Variants in TENM4 observed in about 807,000 individuals in gnomAD.
The protein encoded by TENM4 is teneurin transmembrane protein 4, also known as teneurin-4.
Under a neutral mutation model 243.3 loss-of-function variants are expected in TENM4, and 82 were observed. The observed-to-expected ratio is 0.34, with a 90% confidence interval of 0.28 to 0.40. The LOEUF (loss-of-function observed/expected upper bound fraction) is 0.40, where lower values mean the gene tolerates loss of function less well. TENM4 is among the 10% of genes least tolerant of loss of function. TENM4 has a pLI of 1.00. For synonymous variants in TENM4, 1,412 were observed against 1,456.3 expected, an observed-to-expected ratio of 0.97 and a Z score of 0.69; for missense variants, 3,138 against 3,673.3, an observed-to-expected ratio of 0.85 and a Z score of 3.77.
chr11:79,421,510 T>G (rs1858930327), intron 1 of TENM4, among the ~76,000 whole-genome samples: 1 of 152,202 alleles, frequency 6.6e-6, no homozygotes, highest in South Asian at 2.1e-4. Context: ...ACTTTTGAAA[T>G]AAGTGTTCCT....
rs574616192 is a variant in TENM4 at position 78,661,737 on chromosome 11, T to A, written c.7409-146A>T. 5 of 1,070,452 alleles carry A rather than the reference T, an allele frequency of 4.7e-6. No homozygotes were observed. In the Admixed American group the frequency reaches 1.2e-4, roughly 25 times the overall value. 66.3% of individuals were successfully genotyped at this position (1,070,452 alleles called of 1,614,324 possible). On this transcript the variant is annotated intron_variant, in intron 32 of 33. Coordinates refer to ENST00000278550, the MANE Select transcript of TENM4 (RefSeq NM_001098816.3). ...GGGAGAGTCAACTGCTACATACACT[T>A]TTCATTCTATGAAAGCCAAATGTAC...
At chr11:79,370,088 T>G (rs192225868) in intron 1 of TENM4, among the ~76,000 whole-genome samples, 11 of 152,326 alleles carry the variant, frequency 7.2e-5, no homozygotes, top group Admixed American at 2.0e-4. Flanking sequence ...TTTAATTTTC[T>G]AGAATTCATC....
chr11:79,206,701 T>G (rs1320631036), intron 3 of TENM4, among the ~76,000 whole-genome samples: 3 of 152,142 alleles, frequency 2.0e-5, no homozygotes, highest in African/African-American at 7.2e-5. Context: ...TTCCTCATTT[T>G]CTCTTGCCAC....
At chr11:78,782,370 G>C (rs949045682) in intron 16 of TENM4, among the ~76,000 whole-genome samples, 8 of 152,070 alleles carry the variant, frequency 5.3e-5, no homozygotes, top group Non-Finnish European at 7.4e-5. Flanking sequence ...GGCCGAGGCA[G>C]GTGGATCACC....
intron 6 of TENM4, among the ~76,000 whole-genome samples, chr11:79,049,179 A>C (rs1459111392): frequency 6.6e-6 from 1 of 152,204 alleles, no homozygotes; most frequent in Non-Finnish European, 1.5e-5. Context: ...GTCACTGGGC[A>C]GCACAATTCC....
At chr11:79,343,371 A>C (rs951684938) in intron 1 of TENM4, among the ~76,000 whole-genome samples, 1 of 152,228 alleles carries the variant, frequency 6.6e-6, no homozygotes, top group African/African-American at 2.4e-5. Flanking sequence ...TCACAAATGG[A>C]AAATGTTAGA....
chr11:79,117,951 T>A (rs1861656139), intron 4 of TENM4, among the ~76,000 whole-genome samples: 1 of 152,062 alleles, frequency 6.6e-6, no homozygotes, highest in South Asian at 2.1e-4. Context: ...GGGAAGAGAA[T>A]GGTTATGAAA....
At chr11:79,381,311 T>C (rs962654768) in intron 1 of TENM4, among the ~76,000 whole-genome samples, 2 of 146,264 alleles carry the variant, frequency 1.4e-5, no homozygotes, top group African/African-American at 2.5e-5. Context: ...TGCAATTATG[T>C]CCCACAGCTC....
At chr11:79,188,205 G>T (rs1268334467) in intron 3 of TENM4, among the ~76,000 whole-genome samples, 1 of 152,170 alleles carries the variant, frequency 6.6e-6, no homozygotes, top group Non-Finnish European at 1.5e-5. Flanking sequence ...GATAAACTAT[G>T]ACTCTCACTT....
chr11:79,230,601 T>C (rs1191288925), intron 2 of TENM4, among the ~76,000 whole-genome samples: 1 of 152,202 alleles, frequency 6.6e-6, no homozygotes, highest in African/African-American at 2.4e-5. Context: ...ATACTTACAA[T>C]GCTATTAGAG....
At position 78,997,920 on chromosome 11, in the gene TENM4, GTCT is replaced by G. The variant is rs765464188; in HGVS notation, c.493+66815_493+66817del. ...CCCTTATAAGAGGAGGAAAAGAGAA[GTCT>G]TCTCTCTCTCTTCTCTCTTTCCTTG... is the stretch of plus-strand genomic sequence containing the variant. On this transcript the variant is annotated intron_variant, in intron 6 of 33. Transcript: ENST00000278550. Among the ~76,000 whole-genome samples the G allele has an allele frequency of 2.0e-4, 30 of 152,272 alleles. 1 individual carries two copies. Among genetic ancestry groups the G allele is most frequent in the Non-Finnish European group, 3.2e-4 (22 of 68,026 alleles).
At chr11:78,941,896 C>T (rs562938048) in intron 6 of TENM4, among the ~76,000 whole-genome samples, 1 of 152,084 alleles carries the variant, frequency 6.6e-6, no homozygotes, top group Non-Finnish European at 1.5e-5. Flanking sequence ...CTTTTGTACA[C>T]AGGCTCTCTT....
intron 33 of TENM4, 139 bp from the exon 34 acceptor site, chr11:78,658,955 AG>A (rs1483720937): frequency 3.1e-6 from 3 of 976,822 alleles, no homozygotes; most frequent in Non-Finnish European, 4.5e-6. Context: ...GCTGACCACC[AG>A]AACATCCAGG....
chr11:78,658,843 G>T, intron 33 of TENM4, 27 bp from the exon 34 acceptor site: 2 of 1,589,108 alleles, frequency 1.3e-6, no homozygotes, highest in Non-Finnish European at 1.7e-6. Flanking sequence ...GTGAGAGAGA[G>T]AGTAAGACAA....
chr11:79,095,604 G>C (rs879307551), intron 4 of TENM4, among the ~76,000 whole-genome samples: 3 of 152,140 alleles, frequency 2.0e-5, no homozygotes, highest in Non-Finnish European at 4.4e-5. Flanking sequence ...GTGACCTCCA[G>C]AGGCCCTTCC....
chr11:78,741,502 C>T lies in TENM4; in HGVS notation c.2757-2932G>A, dbSNP rs1257312518. Reference sequence around the variant, plus strand: ...GTGGAGACGCGATGGTCCTGAGTAACCTCAAGAGCAAACGTAACATCAAAC... The same window carrying T: ...GTGGAGACGCGATGGTCCTGAGTAATCTCAAGAGCAAACGTAACATCAAAC... On this transcript the variant is annotated intron_variant, in intron 19 of 33. Coordinates refer to ENST00000278550, the MANE Select transcript of TENM4 (RefSeq NM_001098816.3). Among the ~76,000 whole-genome samples the T allele has an allele frequency of 2.6e-4, 40 of 152,102 alleles. 1 individual carries two copies. Among genetic ancestry groups the T allele is most frequent in the Admixed American group, 2.6e-3 (40 of 15,282 alleles).
At position 79,008,427 on chromosome 11, in the gene TENM4, A is replaced by T. The variant is rs144010330; in HGVS notation, c.493+56311T>A. ...AATAAAAATTTAGAAAAAAAGGAAA[A>T]TGAACTGTAGTGACATCATTCACAC... On this transcript the variant is annotated intron_variant, in intron 6 of 33. Coordinates refer to ENST00000278550, the MANE Select transcript of TENM4 (RefSeq NM_001098816.3). Among the ~76,000 whole-genome samples, 614 of 152,354 alleles carry T rather than the reference A, an allele frequency of 4.0e-3. 6 individuals are homozygous for T. Among genetic ancestry groups the T allele is most frequent in the African/African-American group, 0.014 (590 of 41,578 alleles).
Position 79,002,282 on chromosome 11 carries a change from G to A in TENM4, c.493+62456C>T, listed in dbSNP as rs74463320. 4.7e-4 allele frequency among the ~76,000 whole-genome samples: 71 copies of A among 152,360 alleles called. 1 individual carries two copies. In the East Asian group the frequency reaches 0.013, roughly 27 times the overall value. ...CACAGGAATGTTGGGGTTCACTCCT[G>A]TGAGTACTCTGCCCCAGCCAACACA... On this transcript the variant is annotated intron_variant, in intron 6 of 33. Transcript: ENST00000278550.
intron 2 of TENM4, among the ~76,000 whole-genome samples, chr11:79,230,887 C>A (rs891867291): frequency 6.6e-6 from 1 of 152,114 alleles, no homozygotes; most frequent in Non-Finnish European, 1.5e-5. Flanking sequence ...GTTTATGGTA[C>A]AATAGCTTTG....
Sources: allele counts gnomAD v4.1 joint callset (sites outside exome capture counted in the v4.1 genomes callset), GRCh38; gene constraint gnomAD v4.1.1; transcripts MANE v1.5; gene names NCBI Gene and HGNC (gene_info 2026-07-23, HGNC 2026-07-21).